ZFPM2: variants seen among roughly 807,000 people sequenced by gnomAD.
The protein encoded by ZFPM2 is zinc finger protein, FOG family member 2.
Under a neutral mutation model 98.6 loss-of-function variants are expected in ZFPM2, and 20 were observed. That is an observed-to-expected ratio of 0.20 (90% CI 0.14 to 0.29). The LOEUF (loss-of-function observed/expected upper bound fraction) is 0.29, where lower values mean the gene tolerates loss of function less well. Among genes scored for constraint, ZFPM2 ranks in the 10% least tolerant of loss-of-function variants. The pLI, the probability that ZFPM2 is intolerant of heterozygous loss-of-function variation, is 1.00. For synonymous variants in ZFPM2, 518 were observed against 502.7 expected (o/e 1.03, Z -0.41); for missense variants, 1,310 against 1,388.6 (o/e 0.94, Z 0.90).
chr8:105,405,308 T>G (rs541489084), intron 1 of ZFPM2, among the ~76,000 whole-genome samples: 1 of 152,098 alleles, frequency 6.6e-6, no homozygotes, highest in East Asian at 1.9e-4. Context: ...ACTTTAAGTT[T>G]TAGGGTACAT....
chr8:105,764,853 TG>T (rs947897416), intron 5 of ZFPM2, among the ~76,000 whole-genome samples: 1 of 151,830 alleles, frequency 6.6e-6, no homozygotes, highest in Non-Finnish European at 1.5e-5. Context: ...GATAAGCATT[TG>T]AAAAGAAGTC....
intron 3 of ZFPM2, among the ~76,000 whole-genome samples, chr8:105,547,542 C>CA (rs148322534): frequency 0.13 from 6,030 of 46,946 alleles, 1,241 homozygotes; most frequent in African/African-American, 0.16. Context: ...AACTCCATCT[C>CA]AAAAAAAAAA....
chr8:105,475,409 T>C (rs1381240599), intron 3 of ZFPM2, among the ~76,000 whole-genome samples: 1 of 152,198 alleles, frequency 6.6e-6, no homozygotes, highest in Non-Finnish European at 1.5e-5. Flanking sequence ...TAAATAAATA[T>C]CATCAATCCT....
chr8:105,406,201 A>C (rs1207520461), intron 1 of ZFPM2, among the ~76,000 whole-genome samples: 2 of 152,062 alleles, frequency 1.3e-5, no homozygotes, highest in Non-Finnish European at 2.9e-5. Context: ...AGTAGGTTGC[A>C]AAAATTTTCT....
chr8:105,622,664 T>C (rs1816576212), intron 4 of ZFPM2, among the ~76,000 whole-genome samples: 2 of 152,124 alleles, frequency 1.3e-5, no homozygotes, highest in Non-Finnish European at 2.9e-5. Flanking sequence ...TGGATCTGTT[T>C]GGTTGAAGTC....
At position 105,619,681 on chromosome 8, in the gene ZFPM2, G is replaced by A. The variant is rs1245912798; in HGVS notation, c.421-14565G>A. 8.1e-5 allele frequency among the ~76,000 whole-genome samples: 8 copies of A among 99,338 alleles called. 1 individual carries two copies. The highest frequency in any genetic ancestry group is 1.2e-4 in the Admixed American group (1 of 8,534). 65.2% of individuals were successfully genotyped at this position (99,338 alleles called of 152,430 possible). A position where few individuals can be genotyped will look rare whatever the true frequency, so the allele number is the denominator to read the frequency against. On this transcript the variant is annotated intron_variant, in intron 4 of 7. Coordinates refer to ENST00000407775, the MANE Select transcript of ZFPM2 (RefSeq NM_012082.4). ...TATATCTCCTAATGCTATCCCTCCC[G>A]CCTCCCCCCACCCCGCGACAGGCCC...
chr8:105,435,820 A>G (rs551492431), intron 2 of ZFPM2, among the ~76,000 whole-genome samples: 4 of 152,306 alleles, frequency 2.6e-5, no homozygotes, highest in African/African-American at 9.6e-5. Flanking sequence ...TAGTTTCCTA[A>G]AAGTAATTCG....
intron 1 of ZFPM2, among the ~76,000 whole-genome samples, chr8:105,379,663 G>T (rs1179126956): frequency 6.6e-6 from 1 of 150,832 alleles, no homozygotes; most frequent in Non-Finnish European, 1.5e-5. Context: ...TGAGGCGAGA[G>T]AATTACTTGA....
intron 3 of ZFPM2, among the ~76,000 whole-genome samples, chr8:105,551,537 A>G (rs771726992): frequency 6.6e-6 from 1 of 152,172 alleles, no homozygotes; most frequent in Non-Finnish European, 1.5e-5. Context: ...GAACATTTCT[A>G]TTAGGGAATG....
In ZFPM2 at chr8:105,718,081, G is replaced by A. The variant is rs1202927994; in HGVS notation, c.533-70637G>A. ...TTATTTATAAAATAAAATAAGTGAG[G>A]TCCAAAAATTTAGAAGTCTAAAATG... is the stretch of plus-strand genomic sequence containing the variant. On this transcript the variant is annotated intron_variant, in intron 5 of 7. Transcript: ENST00000407775. Among the ~76,000 whole-genome samples, 3 of 151,848 alleles carry A rather than the reference G, an allele frequency of 2.0e-5. No homozygotes were observed. The East Asian group carries it at 5.8e-4, about 29-fold the overall frequency.
intron 5 of ZFPM2, 108 bp downstream of exon 5, chr8:105,634,465 T>C: frequency 4.6e-6 from 4 of 861,484 alleles, no homozygotes; most frequent in Non-Finnish European, 5.6e-6. Context: ...ATTGATCCTC[T>C]TCCTTTTTTC....
At chr8:105,415,436 C>T (rs1811661998) in intron 1 of ZFPM2, among the ~76,000 whole-genome samples, 1 of 151,958 alleles carries the variant, frequency 6.6e-6, no homozygotes. Context: ...GCCAAGTGGC[C>T]TCAATCAGAA....
Position 105,538,838 on chromosome 8 carries a change from C to T in ZFPM2, c.302-22525C>T, listed in dbSNP as rs575207211. Among the ~76,000 whole-genome samples the T allele has an allele frequency of 1.4e-4, 21 of 152,064 alleles. No individual in the cohort carries two copies. In the South Asian group the frequency reaches 4.2e-3, roughly 30 times the overall value. On this transcript the variant is annotated intron_variant, in intron 3 of 7. Coordinates refer to ENST00000407775, the MANE Select transcript of ZFPM2 (RefSeq NM_012082.4). ...ACGAGCCTGGGCAGCATTGGGAAAC[C>T]CTGTCTCTACAAAACATTAAAAATA...
chr8:105,782,933 C>CT (rs1813293639), intron 5 of ZFPM2, among the ~76,000 whole-genome samples: 1 of 152,014 alleles, frequency 6.6e-6, no homozygotes, highest in Admixed American at 6.5e-5. Flanking sequence ...AATTTCACCT[C>CT]TATAGAGAGT....
At chr8:105,611,064 A>C (rs560335246) in intron 4 of ZFPM2, among the ~76,000 whole-genome samples, 30 of 152,328 alleles carry the variant, frequency 2.0e-4, no homozygotes, top group Middle Eastern at 3.4e-3. Flanking sequence ...CTCAGAAGTC[A>C]GGATGTCAGG....
At chr8:105,405,970 T>G (rs529047288) in intron 1 of ZFPM2, among the ~76,000 whole-genome samples, 39 of 152,292 alleles carry the variant, frequency 2.6e-4, no homozygotes, top group African/African-American at 9.1e-4. Context: ...ATGATCGCCA[T>G]TCTGACTGGT....
chr8:105,568,587 TCTC>T (rs1416384507), intron 4 of ZFPM2, among the ~76,000 whole-genome samples: 1 of 152,118 alleles, frequency 6.6e-6, no homozygotes, highest in South Asian at 2.1e-4. Context: ...TAATGATTGT[TCTC>T]CTCTTTCTGT....
chr8:105,480,480 TAA>T (rs1332256559), intron 3 of ZFPM2, among the ~76,000 whole-genome samples: 1 of 152,116 alleles, frequency 6.6e-6, no homozygotes, highest in Non-Finnish European at 1.5e-5. Flanking sequence ...GCAGAGAAAA[TAA>T]GTTATGTAAT....
intron 5 of ZFPM2, among the ~76,000 whole-genome samples, chr8:105,695,740 A>G (rs2130947652): frequency 6.6e-6 from 1 of 152,332 alleles, no homozygotes; most frequent in South Asian, 2.1e-4. Context: ...AGCAGAAAAT[A>G]GGTAAATGTA....
Sources: allele counts gnomAD v4.1 joint callset (sites outside exome capture counted in the v4.1 genomes callset), GRCh38; gene constraint gnomAD v4.1.1; transcripts MANE v1.5; gene names NCBI Gene and HGNC (gene_info 2026-07-23, HGNC 2026-07-21).